ZNF566: variants seen among roughly 807,000 people sequenced by gnomAD.
The protein encoded by ZNF566 is zinc finger protein 566.
ZNF566 carries 27 observed loss-of-function variants against 32.8 expected under a neutral mutation model. The observed-to-expected ratio is 0.82, with a 90% CI of 0.61 to 1.14. ZNF566 has a LOEUF of 1.14. Ranked by LOEUF, ZNF566 falls within the 50% of genes most tolerant of loss-of-function variation. The probability of loss-of-function intolerance (pLI) is 0.00; values close to 1 mark genes in which losing one functional copy is unlikely to be tolerated. For missense variants in ZNF566, 402 were observed against 490.4 expected, an observed-to-expected ratio of 0.82 and a Z score of 1.70; for synonymous variants, 154 against 159.5, an observed-to-expected ratio of 0.97 and a Z score of 0.26.
rs923675029 is a variant in ZNF566, at chr19:36,485,762, C to CA, written c.-60+3723dup. Reference sequence around the variant, plus strand: ...GGGGGACAAGAGCAAGACTTCGTCTCAAAAAAAAAGCGGTCAGGCGCGGTG... The same window carrying CA: ...GGGGGACAAGAGCAAGACTTCGTCTCAAAAAAAAAAGCGGTCAGGCGCGGTG... On this transcript the variant is annotated intron_variant, in intron 1 of 4. Coordinates refer to ENST00000452939, the MANE Select transcript of ZNF566 (RefSeq NM_001145344.1). Among the ~76,000 whole-genome samples, 12 of 142,248 alleles carry CA rather than the reference C, an allele frequency of 8.4e-5. No homozygotes were observed. The East Asian group carries it at 8.5e-4, about 10-fold the overall frequency. 93.3% of individuals were successfully genotyped at this position (142,248 alleles called of 152,430 possible). A position where few individuals can be genotyped will look rare whatever the true frequency, so the allele number is the denominator to read the frequency against.
chr19:36,449,977 T>C lies in ZNF566; in HGVS notation c.257A>G (p.Lys86Arg), dbSNP rs1158467639. 10 of 1,609,306 alleles carry C rather than the reference T, an allele frequency of 6.2e-6. No homozygotes were observed. The highest frequency in any genetic ancestry group is 8.5e-6 in the Non-Finnish European group (10 of 1,178,662). Reference sequence around the variant, plus strand: ...AATTTCTTTCTTCAGAAATAATTTCTTGGTCTCACATCTTGATTCCAGGAC... The same window carrying C: ...AATTTCTTTCTTCAGAAATAATTTCCTGGTCTCACATCTTGATTCCAGGAC... Reference protein sequence around the residue: ...WPVLESRCETKKLFLKKEIYE... With the variant: ...WPVLESRCETRKLFLKKEIYE... The change falls in exon 5 of 5, where the codon AAG becomes AGG. Residue 86 changes from lysine to arginine, a missense_variant. Lys to Arg is a conservative substitution (Grantham distance 26, BLOSUM62 2). Coordinates refer to ENST00000452939, the MANE Select transcript of ZNF566 (RefSeq NM_001145344.1).
chr19:36,488,318 C>T (rs1048651697), intron 1 of ZNF566, among the ~76,000 whole-genome samples: 5 of 152,134 alleles, frequency 3.3e-5, no homozygotes, highest in African/African-American at 1.2e-4. Flanking sequence ...TGGTCTCCAG[C>T]TCCTGGCCTC....
intron 4 of ZNF566, among the ~76,000 whole-genome samples, chr19:36,470,411 C>T (rs182123926): frequency 1.0e-3 from 157 of 152,072 alleles, no homozygotes; most frequent in Middle Eastern, 3.4e-3. Flanking sequence ...CTTTTTTTTC[C>T]GCTTACACTC....
chr19:36,467,201 C>T (rs759061763), intron 4 of ZNF566, among the ~76,000 whole-genome samples: 7 of 148,712 alleles, frequency 4.7e-5, no homozygotes, highest in East Asian at 2.0e-4. Context: ...TTTGGGAGGC[C>T]GAGACAGGCG....
chr19:36,460,813 T>TA (rs1242556882), intron 4 of ZNF566, among the ~76,000 whole-genome samples: 1 of 151,952 alleles, frequency 6.6e-6, no homozygotes, highest in African/African-American at 2.4e-5. Flanking sequence ...GAAAGAACTG[T>TA]AAAAAAATAT....
chr19:36,478,361 G>A (rs1168273033), intron 1 of ZNF566, among the ~76,000 whole-genome samples: 4 of 152,122 alleles, frequency 2.6e-5, no homozygotes, highest in South Asian at 2.1e-4. Context: ...TGGAAACAGA[G>A]TTCCTTCTTC....
intron 1 of ZNF566, among the ~76,000 whole-genome samples, chr19:36,482,491 T>C (rs2034060924): frequency 6.7e-6 from 1 of 149,098 alleles, no homozygotes; most frequent in Non-Finnish European, 1.5e-5. Context: ...TCCTTAAATG[T>C]AAGAAAAATG....
At chr19:36,470,091 A>G (rs1157800704) in intron 4 of ZNF566, among the ~76,000 whole-genome samples, 1 of 151,726 alleles carries the variant, frequency 6.6e-6, no homozygotes, top group East Asian at 1.9e-4. Context: ...CCTGCTGTAA[A>G]CCTCTAGGTA....
chr19:36,474,379 C>G (rs1052386729), intron 2 of ZNF566, among the ~76,000 whole-genome samples: 2 of 152,064 alleles, frequency 1.3e-5, no homozygotes, highest in African/African-American at 2.4e-5. Context: ...AGGGGGGAAG[C>G]AATTAACCCC....
intron 4 of ZNF566, among the ~76,000 whole-genome samples, chr19:36,455,256 T>C (rs2033270409): frequency 6.6e-6 from 1 of 152,156 alleles, no homozygotes; most frequent in African/African-American, 2.4e-5. Flanking sequence ...TAGCTAACAT[T>C]ATCCTCAACA....
chr19:36,449,546 T>A lies in ZNF566; in HGVS notation c.688A>T (p.Lys230Ter). The change falls in exon 5 of 5, where the codon AAG becomes TAG. Residue 230 changes from lysine to a stop codon, truncating the protein, a stop_gained. Transcript: ENST00000452939. LOFTEE classifies it high-confidence loss of function. The part of the protein sequence containing the change: ...IHTGKKPFEC[K>*]ECGKTFICGS... The stretch of plus-strand genomic sequence containing the variant: ...CAAATAAAGGTTTTTCCACATTCCT[T>A]ACATTCAAAGGGTTTCTTGCCAGTA... 1 of 1,614,156 alleles carries A rather than the reference T, an allele frequency of 6.2e-7. No homozygotes were observed. Among genetic ancestry groups the A allele is most frequent in the Non-Finnish European group, 8.5e-7 (1 of 1,180,024 alleles).
At chr19:36,458,229 G>T (rs2033368105) in intron 4 of ZNF566, among the ~76,000 whole-genome samples, 1 of 145,086 alleles carries the variant, frequency 6.9e-6, no homozygotes. Flanking sequence ...TGATGTGTGG[G>T]CATATATATG....
At chr19:36,454,311 CAA>C (rs978708392) in intron 4 of ZNF566, among the ~76,000 whole-genome samples, 28 of 151,862 alleles carry the variant, frequency 1.8e-4, no homozygotes, top group Admixed American at 1.2e-3. Context: ...ACACTGAAGA[CAA>C]AGAGAAAGAC....
At chr19:36,479,767 G>A (rs2033979987) in intron 1 of ZNF566, among the ~76,000 whole-genome samples, 1 of 152,220 alleles carries the variant, frequency 6.6e-6, no homozygotes, top group Admixed American at 6.5e-5. Flanking sequence ...CCTGAGAAGC[G>A]AGGAGTAGAA....
intron 1 of ZNF566, among the ~76,000 whole-genome samples, chr19:36,477,382 C>G (rs2033914809): frequency 6.6e-6 from 1 of 152,156 alleles, no homozygotes; most frequent in African/African-American, 2.4e-5. Flanking sequence ...CTGTAACAAA[C>G]AATGCTGTAA....
At position 36,446,688 on chromosome 19, in the gene ZNF566, T is replaced by G. The variant is rs574752403; in HGVS notation, c.*2289A>C. On this transcript the variant is annotated 3_prime_UTR_variant, in exon 5 of 5. Coordinates refer to ENST00000452939, the MANE Select transcript of ZNF566 (RefSeq NM_001145344.1). ...AAAATCTCATTTGGCAGTTTTCATT[T>G]TGATAACGCAAAACATTACAACAGT... is the stretch of plus-strand genomic sequence containing the variant. The G allele has an allele frequency of 6.6e-6, 1 of 152,372 alleles. No homozygotes were observed. Among genetic ancestry groups the G allele is most frequent in the African/African-American group, 2.4e-5 (1 of 41,596 alleles). The allele number at this position is 152,372 out of a possible 1,614,324, so 9.4% of individuals were successfully genotyped here.
At chr19:36,479,802 G>A (rs1028700991) in intron 1 of ZNF566, among the ~76,000 whole-genome samples, 10 of 150,816 alleles carry the variant, frequency 6.6e-5, no homozygotes, top group African/African-American at 2.2e-4. Context: ...CCAGCTAAAT[G>A]TTTGGGGTTT....
chr19:36,479,146 T>C (rs1259378752), intron 1 of ZNF566, among the ~76,000 whole-genome samples: 1 of 152,204 alleles, frequency 6.6e-6, no homozygotes, highest in East Asian at 1.9e-4. Flanking sequence ...ATAACTAATG[T>C]TGAAACACTG....
intron 2 of ZNF566, among the ~76,000 whole-genome samples, chr19:36,475,102 G>A (rs2033852198): frequency 6.6e-6 from 1 of 152,174 alleles, no homozygotes; most frequent in Admixed American, 6.5e-5. Flanking sequence ...CCAAAGTGCA[G>A]TGGCATGATC....
Sources: gnomAD v4.1 joint callset for allele counts (sites outside exome capture counted in the v4.1 genomes callset) on GRCh38, gnomAD v4.1.1 for gene constraint, MANE v1.5 for transcripts, NCBI Gene and HGNC (gene_info 2026-07-23, HGNC 2026-07-21) for gene names.